NR6A1: variants seen among roughly 807,000 people sequenced by gnomAD.
NR6A1 encodes the protein retinoic acid receptor-related testis-associated receptor.
NR6A1 carries 7 observed loss-of-function variants against 59.1 expected under a neutral mutation model. That is an observed-to-expected ratio of 0.12 (90% CI 0.07 to 0.22). The LOEUF is 0.22. Among genes scored for constraint, NR6A1 ranks in the 10% least tolerant of loss-of-function variants. The pLI is 1.00. For missense variants in NR6A1, 468 were observed against 611.6 expected, an observed-to-expected ratio of 0.77 and a Z score of 2.48; for synonymous variants, 243 against 236.1, an observed-to-expected ratio of 1.03 and a Z score of -0.27.
intron 2 of NR6A1, among the ~76,000 whole-genome samples, chr9:124,588,179 T>C (rs952480537): frequency 5.3e-5 from 8 of 152,200 alleles, no homozygotes; most frequent in African/African-American, 1.9e-4. Context: ...TATTCTATGA[T>C]AGATGGTTTT....
intron 2 of NR6A1, among the ~76,000 whole-genome samples, chr9:124,596,897 C>T (rs954139354): frequency 6.6e-6 from 1 of 152,224 alleles, no homozygotes; most frequent in Non-Finnish European, 1.5e-5. Flanking sequence ...CCAAGAGAAA[C>T]TGATTTCTGA....
At chr9:124,566,969 G>C (rs1029009621) in intron 2 of NR6A1, among the ~76,000 whole-genome samples, 3 of 151,158 alleles carry the variant, frequency 2.0e-5, no homozygotes, top group Non-Finnish European at 4.5e-5. Flanking sequence ...TTAGCCGGGC[G>C]TAGTGGCGGG....
chr9:124,706,806 T>A (rs1368985012), intron 2 of NR6A1, among the ~76,000 whole-genome samples: 2 of 152,134 alleles, frequency 1.3e-5, no homozygotes, highest in Non-Finnish European at 2.9e-5. Flanking sequence ...GTGAGCCACC[T>A]CGCCCGGCCA....
chr9:124,537,766 C>T (rs926625791), intron 6 of NR6A1, among the ~76,000 whole-genome samples: 1 of 152,068 alleles, frequency 6.6e-6, no homozygotes, highest in Admixed American at 6.6e-5. Context: ...TATAACTATT[C>T]CCAGAATTAC....
At chr9:124,681,376 C>G (rs1838151418) in intron 2 of NR6A1, among the ~76,000 whole-genome samples, 1 of 134,010 alleles carries the variant, frequency 7.5e-6, no homozygotes, top group East Asian at 2.3e-4. Context: ...GAGTCTCACT[C>G]TGTCACCCAG....
intron 1 of NR6A1, among the ~76,000 whole-genome samples, chr9:124,766,764 A>G (rs1415085927): frequency 1.3e-5 from 2 of 152,260 alleles, no homozygotes; most frequent in Non-Finnish European, 2.9e-5. Context: ...GAATTTGCTG[A>G]CAATGAAGTC....
At chr9:124,601,596 AAAAG>A (rs1208811523) in intron 2 of NR6A1, among the ~76,000 whole-genome samples, 3 of 149,820 alleles carry the variant, frequency 2.0e-5, no homozygotes, top group Admixed American at 6.6e-5. Context: ...AAAAAAAAAA[AAAAG>A]AAAGAAAAAA....
chr9:124,594,895 G>A (rs573809659), intron 2 of NR6A1, among the ~76,000 whole-genome samples: 3 of 152,318 alleles, frequency 2.0e-5, no homozygotes, highest in South Asian at 4.1e-4. Flanking sequence ...CAGCTATTTC[G>A]TAGGGTTAAT....
intron 1 of NR6A1, among the ~76,000 whole-genome samples, chr9:124,749,588 T>C (rs1840437324): frequency 6.6e-6 from 1 of 152,160 alleles, no homozygotes; most frequent in Non-Finnish European, 1.5e-5. Context: ...TCTCGCTATG[T>C]TGCCCAGGCT....
At chr9:124,659,471 T>C (rs530010571) in intron 2 of NR6A1, among the ~76,000 whole-genome samples, 24 of 152,200 alleles carry the variant, frequency 1.6e-4, no homozygotes, top group African/African-American at 5.8e-4. Context: ...ACATATGGAA[T>C]CAGAAAATAC....
At chr9:124,587,088 T>C (rs1834959099) in intron 2 of NR6A1, among the ~76,000 whole-genome samples, 1 of 152,168 alleles carries the variant, frequency 6.6e-6, no homozygotes. Flanking sequence ...ACCACCCTGA[T>C]CAGTTAGCAG....
At chr9:124,568,837 G>A (rs1834352403) in intron 2 of NR6A1, among the ~76,000 whole-genome samples, 1 of 151,810 alleles carries the variant, frequency 6.6e-6, no homozygotes, top group South Asian at 2.1e-4. Flanking sequence ...CCTCAGGCCG[G>A]GCACAGTGGC....
At chr9:124,590,851 A>G (rs1209755342) in intron 2 of NR6A1, among the ~76,000 whole-genome samples, 1 of 152,188 alleles carries the variant, frequency 6.6e-6, no homozygotes, top group Non-Finnish European at 1.5e-5. Context: ...GACTAACTTT[A>G]TTATCCTTCT....
intron 3 of NR6A1, among the ~76,000 whole-genome samples, chr9:124,552,429 C>G (rs1479965563): frequency 2.0e-5 from 3 of 152,108 alleles, no homozygotes; most frequent in Non-Finnish European, 2.9e-5. Flanking sequence ...GCACAGTGTT[C>G]AGAAATGAGT....
intron 2 of NR6A1, among the ~76,000 whole-genome samples, chr9:124,597,960 C>T (rs890051359): frequency 2.0e-5 from 3 of 152,152 alleles, no homozygotes; most frequent in Non-Finnish European, 4.4e-5. Flanking sequence ...CCGCATGAGC[C>T]TCCCACGTAG....
chr9:124,615,230 A>G (rs2130849967), intron 2 of NR6A1, among the ~76,000 whole-genome samples: 1 of 152,344 alleles, frequency 6.6e-6, no homozygotes, highest in Non-Finnish European at 1.5e-5. Flanking sequence ...AGAAAGATAA[A>G]TTAAGCAAAA....
intron 2 of NR6A1, among the ~76,000 whole-genome samples, chr9:124,588,645 C>T (rs1317408277): frequency 1.4e-5 from 2 of 146,092 alleles, no homozygotes; most frequent in East Asian, 2.2e-4. Context: ...CCTGGCCCGG[C>T]GTGGTGGCTC....
intron 2 of NR6A1, among the ~76,000 whole-genome samples, chr9:124,683,460 T>A (rs1324611407): frequency 2.6e-5 from 4 of 152,196 alleles, no homozygotes; most frequent in Non-Finnish European, 5.9e-5. Flanking sequence ...GCCAGGTGTT[T>A]TTCATTCCTG....
chr9:124,613,986 G>A (rs1414271034), intron 2 of NR6A1, among the ~76,000 whole-genome samples: 9 of 152,116 alleles, frequency 5.9e-5, no homozygotes, highest in African/African-American at 9.7e-5. Context: ...GACCTCAGGC[G>A]GCCAAAGACA....
Sources: gnomAD v4.1 joint callset for allele counts (sites outside exome capture counted in the v4.1 genomes callset) on GRCh38, gnomAD v4.1.1 for gene constraint, MANE v1.5 for transcripts, NCBI Gene and HGNC (gene_info 2026-07-23, HGNC 2026-07-21) for gene names.